Variants in ESPL1 observed in about 807,000 individuals in gnomAD.
ESPL1 encodes extra spindle pole bodies like 1, separase, also known as separin.
In ESPL1, 50 loss-of-function variants were observed where a neutral mutation model predicts 217.2. That is an observed-to-expected ratio of 0.23 (90% CI 0.18 to 0.29). The LOEUF (loss-of-function observed/expected upper bound fraction) is 0.29, where lower values mean the gene tolerates loss of function less well. ESPL1 is among the 10% of genes least tolerant of loss of function. The pLI is 1.00. For missense variants in ESPL1, 1,834 were observed against 2,603.0 expected (o/e 0.70, Z 6.43); for synonymous variants, 994 against 1,081.3 (o/e 0.92, Z 1.58).
chr12:53,276,046 A>T (rs1356162937), intron 7 of ESPL1, among the ~76,000 whole-genome samples: 3 of 152,182 alleles, frequency 2.0e-5, no homozygotes, highest in Admixed American at 2.0e-4. Context: ...GACTCTACTT[A>T]AAAAATATTA....
intron 17 of ESPL1, among the ~76,000 whole-genome samples, chr12:53,284,586 C>A (rs939247281): frequency 9.2e-5 from 14 of 152,046 alleles, no homozygotes; most frequent in African/African-American, 3.4e-4. Context: ...ATACTGACTT[C>A]TGGTCCCAGG....
chr12:53,286,708 C>G lies in ESPL1; in HGVS notation c.3972C>G (p.Ala1324=), dbSNP rs1298280025. 6.2e-7 allele frequency: 1 copy of G among 1,614,024 alleles called. No individual in the cohort carries two copies. Among genetic ancestry groups the G allele is most frequent in the African/African-American group, 1.3e-5 (1 of 74,930 alleles). ...CTGGACGAGGGCGCCAAAAGTTAGCCTCTGCTCCCCTGCGCCTCAATAATA... is the reference window on the plus strand; with the variant it reads ...CTGGACGAGGGCGCCAAAAGTTAGCGTCTGCTCCCCTGCGCCTCAATAATA... ...KRSGRGRQKL[A]SAPLRLNNTS... is the part of the protein sequence containing the mutation. The change falls in exon 18 of 31, where the codon GCC becomes GCG. Residue 1324 remains alanine, a synonymous_variant. Coordinates refer to ENST00000257934, the MANE Select transcript of ESPL1 (RefSeq NM_012291.5). This position sits in a 1 kb window ranked among gnomAD's most constrained non-coding sequence, Gnocchi z 5.3.
rs1466757756 is a variant in ESPL1 at position 53,270,007 on chromosome 12, T to C, written c.1065T>C (p.Tyr355=). Residue 355 remains tyrosine, a synonymous_variant, in exon 3 of 31, where the codon TAT becomes TAC. Transcript: ENST00000257934. ...TGGAACGAGGCACCAAGAGGCGCTA[T>C]AGACTTGATGCCATTCTGAGCCTCT... is the stretch of plus-strand genomic sequence containing the variant. ...SGLERGTKRR[Y]RLDAILSLFA... 5.0e-6 allele frequency: 8 copies of C among 1,614,106 alleles called. No homozygotes were observed. Among genetic ancestry groups the C allele is most frequent in the Non-Finnish European group, 8.5e-7 (1 of 1,180,048 alleles).
At position 53,270,354 on chromosome 12, in the gene ESPL1, CCAACCTTCCG is replaced by C. The variant is rs761063038; in HGVS notation, c.1144-22_1144-13del. 8 of 1,533,764 alleles carry C rather than the reference CCAACCTTCCG, an allele frequency of 5.2e-6. No individual in the cohort carries two copies. The South Asian group carries it at 8.9e-5, about 17-fold the overall frequency. On this transcript the variant is annotated splice_polypyrimidine_tract_variant and intron_variant, in intron 3 of 30. Transcript: ENST00000257934. ...GCCCTCTTTATCTCTACTCCTCATACCAACCTTCCGCTTCCTTCCTCAGGTGTATGGGGGC... is the reference window on the plus strand; with the variant it reads ...GCCCTCTTTATCTCTACTCCTCATACCTTCCTTCCTCAGGTGTATGGGGGC...
Position 53,288,001 on chromosome 12 carries a change from A to G in ESPL1, c.4206A>G (p.Glu1402=). ...ACTTCAGTGATGACAGTGACTTGGA[A>G]GACCCTGTCTCAGCTGAGGCCTGGC... ...KVNFSDDSDL[E]DPVSAEAWLA... The change falls in exon 19 of 31, where the codon GAA becomes GAG. Residue 1402 remains glutamate, a synonymous_variant. Transcript: ENST00000257934. 14 of 1,610,156 alleles carry G rather than the reference A, an allele frequency of 8.7e-6. No homozygotes were observed. Among genetic ancestry groups the G allele is most frequent in the Non-Finnish European group, 1.2e-5 (14 of 1,178,308 alleles).
In ESPL1 at chr12:53,289,562, G is replaced by C; in HGVS notation, c.5081G>C (p.Ser1694Thr). 1 of 1,614,086 alleles carries C rather than the reference G, an allele frequency of 6.2e-7. No individual in the cohort carries two copies. The highest frequency in any genetic ancestry group is 8.5e-7 in the Non-Finnish European group (1 of 1,180,034). Residue 1694 changes from serine (S) to threonine (T), a missense_variant, in exon 22 of 31, where the codon AGT becomes ACT. Ser to Thr is a moderately conservative substitution (Grantham distance 58, BLOSUM62 1). Coordinates refer to ENST00000257934, the MANE Select transcript of ESPL1 (RefSeq NM_012291.5). ...SGHFPQPEKESFQERLALIPS... is the reference protein window; with the variant it reads ...SGHFPQPEKETFQERLALIPS... ...CACTTCCCCCAGCCTGAAAAGGAGA[G>C]TTTCCAGGAGCGCCTGGCTCTGATC... is the stretch of plus-strand genomic sequence containing the variant.
rs6580942 is a variant in ESPL1 at position 53,268,840 on chromosome 12, C to A, written c.74C>A (p.Ala25Asp). Reference sequence around the variant, plus strand: ...AAGGAGGCTGAAGAGTTGCTGCCCGCCTTGAAGGTGGGGGTGCTGCCTGGC... The same window carrying A: ...AAGGAGGCTGAAGAGTTGCTGCCCGACTTGAAGGTGGGGGTGCTGCCTGGC... ...SQKEAEELLP[A>D]LKEFLSNPPA... is the part of the protein sequence containing the mutation. Residue 25 changes from alanine (A) to aspartate (D), a missense_variant, in exon 2 of 31, where the codon GCC becomes GAC. Coordinates refer to ENST00000257934, the MANE Select transcript of ESPL1 (RefSeq NM_012291.5). 1,152,221 of 1,608,306 alleles carry A rather than the reference C, an allele frequency of 0.72. 420,151 individuals carry two copies. The highest frequency in any genetic ancestry group is 1 in the East Asian group (44,816 of 44,870).
intron 18 of ESPL1, 177 bp from the exon 19 acceptor site, chr12:53,287,795 C>T: frequency 1.7e-6 from 1 of 581,358 alleles, no homozygotes; most frequent in South Asian, 2.6e-5. Context: ...TCCTTCCACA[C>T]CCAAGAGTCG....
intron 12 of ESPL1, among the ~76,000 whole-genome samples, chr12:53,280,297 A>G (rs989882836): frequency 1.3e-5 from 2 of 152,172 alleles, no homozygotes; most frequent in African/African-American, 2.4e-5. Context: ...TTTTGCCCCA[A>G]TAATACTTGC....
At chr12:53,277,403 G>C (rs1943788129) in intron 9 of ESPL1, 67 bp from the exon 10 acceptor site, 1 of 1,558,208 alleles carries the variant, frequency 6.4e-7, no homozygotes, top group Non-Finnish European at 8.7e-7. Flanking sequence ...ACCTCAGCCT[G>C]CCGAGTAGCC....
At chr12:53,291,193 T>C (rs1467525442) in intron 25 of ESPL1, among the ~76,000 whole-genome samples, 197 bp downstream of exon 25, 1 of 151,566 alleles carries the variant, frequency 6.6e-6, no homozygotes, top group African/African-American at 2.4e-5. Context: ...TTCCAGCTTC[T>C]CGGGAGGCTG....
Position 53,269,063 on chromosome 12 carries a change from C to T in ESPL1, c.121C>T (p.Arg41Ter). ...SNPPAGFPSS[R>*]SDAERRQACD... ...CCCTCCAGCTGGTTTTCCCAGCAGC[C>T]GATCTGATGCTGAGAGGAGACAAGC... The change falls in exon 3 of 31, where the codon CGA (arginine) becomes TGA (stop). Residue 41 changes from arginine to a stop codon, truncating the protein, a stop_gained. Transcript: ENST00000257934. LOFTEE classifies it high-confidence loss of function. This position sits in a 1 kb window ranked among gnomAD's most constrained non-coding sequence, Gnocchi z 6.7. The T allele has an allele frequency of 6.2e-7, 1 of 1,613,424 alleles. No homozygotes were observed. The highest frequency in any genetic ancestry group is 8.5e-7 in the Non-Finnish European group (1 of 1,179,614).
chr12:53,286,537 C>T lies in ESPL1; in HGVS notation c.3801C>T (p.Ser1267=). Residue 1267 remains serine (S), a synonymous_variant, in exon 18 of 31, where the codon AGC becomes AGT. Transcript: ENST00000257934. The surrounding 1 kb of genome is among the most constrained non-coding windows in gnomAD (Gnocchi z 5.3). ...RIPHLEPWRA[S]LLLIWALTKL... ...CCCACCTAGAGCCCTGGCGAGCCAG[C>T]CTGCTCTTGATTTGGGCCCTCACAA... 6.2e-7 allele frequency: 1 copy of T among 1,614,204 alleles called. No homozygotes were observed. The highest frequency in any genetic ancestry group is 8.5e-7 in the Non-Finnish European group (1 of 1,180,034).
At chr12:53,285,816 G>C in intron 17 of ESPL1, 108 bp from the exon 18 acceptor site, 1 of 737,328 alleles carries the variant, frequency 1.4e-6, no homozygotes. Flanking sequence ...ATATATACAC[G>C]TACGTATATA....
Position 53,268,792 on chromosome 12 carries a change from T to C in ESPL1, c.26T>C (p.Phe9Ser), listed in dbSNP as rs977883078. 5.6e-6 allele frequency: 9 copies of C among 1,612,466 alleles called. No homozygotes were observed. The highest frequency in any genetic ancestry group is 1.7e-4 in the Middle Eastern group (1 of 6,060). Reference protein sequence around the residue: MRSFKRVNFGTLLSSQKEA... With the variant: MRSFKRVNSGTLLSSQKEA... Reference sequence around the variant, plus strand: ...ATGAGGAGCTTCAAAAGAGTCAACTTTGGGACTCTGCTAAGCAGCCAGAAG... The same window carrying C: ...ATGAGGAGCTTCAAAAGAGTCAACTCTGGGACTCTGCTAAGCAGCCAGAAG... Residue 9 changes from phenylalanine to serine, a missense_variant, in exon 2 of 31, where the codon TTT becomes TCT. By Grantham distance (155) the Phe-to-Ser change is radical. Coordinates refer to ENST00000257934, the MANE Select transcript of ESPL1 (RefSeq NM_012291.5).
chr12:53,288,744 C>T (rs752307948), intron 20 of ESPL1, 45 bp downstream of exon 20: 1 of 1,544,100 alleles, frequency 6.5e-7, no homozygotes, highest in South Asian at 1.2e-5. Context: ...GAGGGCTGAG[C>T]CTCTAGGGCT....
Position 53,269,091 on chromosome 12 carries a change from G to A in ESPL1, c.149G>A (p.Cys50Tyr), listed in dbSNP as rs1193834075. 6.2e-7 allele frequency: 1 copy of A among 1,613,982 alleles called. No individual in the cohort carries two copies. The highest frequency in any genetic ancestry group is 1.3e-5 in the African/African-American group (1 of 74,932). The change falls in exon 3 of 31, where the codon TGT (cysteine) becomes TAT (tyrosine). Residue 50 changes from cysteine to tyrosine, a missense_variant. This residue lies in a region of ESPL1 where 746 missense variants were observed against 1,077.0 expected (regional missense o/e 0.69). Transcript: ENST00000257934. The surrounding 1 kb of genome is among the most constrained non-coding windows in gnomAD (Gnocchi z 6.7). ...SRSDAERRQA[C>Y]DAILRACNQQ... is the part of the protein sequence containing the mutation. ...TCTGATGCTGAGAGGAGACAAGCTT[G>A]TGATGCCATCCTGAGGGCTTGCAAC...
intron 16 of ESPL1, 45 bp downstream of exon 16, chr12:53,283,583 C>T (rs1943899323): frequency 1.3e-6 from 2 of 1,567,554 alleles, no homozygotes; most frequent in South Asian, 2.3e-5. Flanking sequence ...CACCAAAGTG[C>T]CATGCACCCT....
chr12:53,281,729 G>A, intron 13 of ESPL1, 103 bp downstream of exon 13: 1 of 1,132,656 alleles, frequency 8.8e-7, no homozygotes, highest in Non-Finnish European at 1.3e-6. Context: ...GAGCTAGGCA[G>A]TATGTTCCTG....
Sources: allele counts gnomAD v4.1 joint callset (sites outside exome capture counted in the v4.1 genomes callset), GRCh38; gene constraint gnomAD v4.1.1; regional missense constraint gnomAD v4.1.1; non-coding constraint Gnocchi (gnomAD v3.1); transcripts MANE v1.5; gene names NCBI Gene and HGNC (gene_info 2026-07-23, HGNC 2026-07-21).